NRXN1: variants seen among roughly 807,000 people sequenced by gnomAD.
The protein encoded by NRXN1 is neurexin 1.
A neutral mutation model predicts 150.9 loss-of-function variants in NRXN1; 39 were observed. The ratio of observed to expected loss-of-function variants is 0.26; its 90% CI spans 0.20 to 0.34. The LOEUF (loss-of-function observed/expected upper bound fraction) is 0.34. Ranked by LOEUF, NRXN1 falls within the 10% of genes least tolerant of loss-of-function variation. The pLI is 1.00. For synonymous variants in NRXN1, 924 were observed against 757.0 expected (o/e 1.22, Z -3.62); for missense variants, 1,815 against 1,949.9 (o/e 0.93, Z 1.30).
chr2:50,280,246 C>G lies in NRXN1; in HGVS notation c.3365-43276G>C, dbSNP rs2071238941. On this transcript the variant is annotated intron_variant, in intron 17 of 22. Transcript: ENST00000401669. Reference sequence around the variant, plus strand: ...TGAGCCGAGATCACACCACTGCACTCCAGCCTGGGTCACAGAGCAAGAATC... The same window carrying G: ...TGAGCCGAGATCACACCACTGCACTGCAGCCTGGGTCACAGAGCAAGAATC... Among the ~76,000 whole-genome samples the G allele has an allele frequency of 2.0e-5, 3 of 149,360 alleles. No homozygotes were observed. The Admixed American group carries it at 2.0e-4, about 10-fold the overall frequency.
chr2:50,343,140 A>G (rs1019537738), intron 17 of NRXN1, among the ~76,000 whole-genome samples: 3 of 152,230 alleles, frequency 2.0e-5, no homozygotes. Context: ...ATGGCAATAT[A>G]ATTTCCAGAG....
chr2:50,219,909 AT>A (rs1368681353), intron 18 of NRXN1, among the ~76,000 whole-genome samples: 7 of 80,504 alleles, frequency 8.7e-5, no homozygotes, highest in Admixed American at 1.5e-4. Flanking sequence ...ACATATATAT[AT>A]AAAATCTCTC....
chr2:50,348,799 A>T (rs921225669), intron 17 of NRXN1, among the ~76,000 whole-genome samples: 2 of 152,142 alleles, frequency 1.3e-5, no homozygotes, highest in African/African-American at 4.8e-5. Flanking sequence ...CTGATTTCCA[A>T]AAGATGATAA....
intron 2 of NRXN1, among the ~76,000 whole-genome samples, chr2:50,936,857 G>T (rs1688631437): frequency 6.6e-6 from 1 of 152,026 alleles, no homozygotes; most frequent in South Asian, 2.1e-4. Flanking sequence ...GAAAACGTGG[G>T]TAGTGTGATA....
chr2:50,528,482 C>G (rs2093015984), intron 12 of NRXN1, 143 bp downstream of exon 12: 1 of 609,034 alleles, frequency 1.6e-6, no homozygotes, highest in East Asian at 3.2e-5. Flanking sequence ...ATTTTTACAA[C>G]CCAGATGATG....
chr2:50,940,983 G>A (rs919757901), intron 2 of NRXN1, among the ~76,000 whole-genome samples: 7 of 152,142 alleles, frequency 4.6e-5, no homozygotes, highest in African/African-American at 1.2e-4. Context: ...TAATCCTAAC[G>A]TGTTGGGAGA....
Position 50,346,813 on chromosome 2 carries a change from C to T in NRXN1, c.3365-109843G>A, listed in dbSNP as rs777085837. ...CAAACTGGATGCCCCCCACGCCACT[C>T]CTAGGAGGCCGCTGAGGGTGAGCGG... is the stretch of plus-strand genomic sequence containing the variant. On this transcript the variant is annotated intron_variant, in intron 17 of 22. Coordinates refer to ENST00000401669, the MANE Select transcript of NRXN1 (RefSeq NM_001330078.2). The surrounding 1 kb of genome is among the most constrained non-coding windows in gnomAD (Gnocchi z 5.0). 1 of 1,612,980 alleles carries T rather than the reference C, an allele frequency of 6.2e-7. No homozygotes were observed. Among genetic ancestry groups the T allele is most frequent in the South Asian group, 1.1e-5 (1 of 91,060 alleles).
At chr2:50,180,486 G>A (rs1467915388) in intron 18 of NRXN1, among the ~76,000 whole-genome samples, 2 of 152,116 alleles carry the variant, frequency 1.3e-5, no homozygotes, top group African/African-American at 4.8e-5. Context: ...TAACAGTGTT[G>A]GGAGATGGTG....
At chr2:50,717,140 G>C (rs576540081) in intron 5 of NRXN1, among the ~76,000 whole-genome samples, 1 of 152,214 alleles carries the variant, frequency 6.6e-6, no homozygotes, top group Admixed American at 6.5e-5. Flanking sequence ...CTGGTGTCTA[G>C]TACAGTAAGT....
chr2:50,990,191 T>G (rs1171694886), intron 2 of NRXN1, among the ~76,000 whole-genome samples: 1 of 152,014 alleles, frequency 6.6e-6, no homozygotes, highest in African/African-American at 2.4e-5. Flanking sequence ...GGTGTTTGTG[T>G]ATTTAGGATA....
intron 18 of NRXN1, among the ~76,000 whole-genome samples, chr2:50,186,990 T>A (rs560623751): frequency 6.6e-6 from 1 of 152,040 alleles, no homozygotes; most frequent in Non-Finnish European, 1.5e-5. Context: ...TTAAACAACA[T>A]CTGCAAAACA....
At chr2:50,520,852 C>T (rs1443531780) in intron 12 of NRXN1, among the ~76,000 whole-genome samples, 2 of 151,994 alleles carry the variant, frequency 1.3e-5, no homozygotes, top group South Asian at 2.1e-4. Flanking sequence ...ACTAAGAGAA[C>T]ACCTGCATTA....
intron 17 of NRXN1, among the ~76,000 whole-genome samples, chr2:50,313,277 C>T (rs934396427): frequency 6.6e-6 from 1 of 152,086 alleles, no homozygotes; most frequent in Non-Finnish European, 1.5e-5. Context: ...CCCTAGTTCC[C>T]ACCCTAAGCT....
intron 18 of NRXN1, among the ~76,000 whole-genome samples, chr2:50,219,985 TTATATATA>T (rs2063746008): frequency 1.9e-5 from 1 of 51,734 alleles, no homozygotes; most frequent in Non-Finnish European, 3.6e-5. Context: ...AATATATATA[TTATATATA>T]ATATATATTA....
chr2:50,206,588 C>T (rs1466840149), intron 18 of NRXN1, among the ~76,000 whole-genome samples: 11 of 151,892 alleles, frequency 7.2e-5, no homozygotes, highest in Admixed American at 6.6e-4. Context: ...GTAATCACAC[C>T]TCGGGACAGC....
In NRXN1 at chr2:50,552,844, G is replaced by C; in HGVS notation, c.1502C>G (p.Thr501Ser). 6.2e-7 allele frequency: 1 copy of C among 1,613,948 alleles called. No individual in the cohort carries two copies. The change falls in exon 9 of 23, where the codon ACT (threonine) becomes AGT (serine). Residue 501 changes from threonine (T) to serine (S), a missense_variant. Thr to Ser is a moderately conservative substitution (Grantham distance 58). Transcript: ENST00000401669. ...ACGGAAATCAAATGATATGGAGCCA[G>C]TTTTCTTTGCATTCCATTTAGGCAA... The part of the protein sequence containing the change: ...ISLPKWNAKK[T>S]GSISFDFRTT...
chr2:50,182,226 A>G (rs138489090), intron 18 of NRXN1, among the ~76,000 whole-genome samples: 1 of 151,954 alleles, frequency 6.6e-6, no homozygotes, highest in East Asian at 1.9e-4. Context: ...TAGACTCTCA[A>G]TAAATGTTAG....
intron 8 of NRXN1, 98 bp from the exon 9 acceptor site, chr2:50,553,123 C>G (rs1057318021): frequency 7.1e-6 from 6 of 848,144 alleles, no homozygotes; most frequent in Non-Finnish European, 9.2e-6. Context: ...CATAAAAAGG[C>G]ACACGATATT....
At chr2:50,272,774 C>A (rs1020961186) in intron 17 of NRXN1, among the ~76,000 whole-genome samples, 1 of 151,940 alleles carries the variant, frequency 6.6e-6, no homozygotes, top group African/African-American at 2.4e-5. Flanking sequence ...AAGGAAGGAT[C>A]ATAAATTTTC....
Sources: gnomAD v4.1 joint callset for allele counts (sites outside exome capture counted in the v4.1 genomes callset) on GRCh38, gnomAD v4.1.1 for gene constraint, Gnocchi (gnomAD v3.1) non-coding constraint, MANE v1.5 for transcripts, NCBI Gene and HGNC (gene_info 2026-07-23, HGNC 2026-07-21) for gene names.